OTOF: variants seen among roughly 807,000 people sequenced by gnomAD.
OTOF encodes the protein fer-1-like family member 2.
OTOF carries 218 observed loss-of-function variants against 236.8 expected under a neutral mutation model. The observed-to-expected ratio is 0.92, with a 90% CI of 0.82 to 1.03. The LOEUF is 1.03. OTOF is among the 50% of genes least tolerant of loss of function. The probability of loss-of-function intolerance (pLI) is 0.00; values close to 1 mark genes in which losing one functional copy is unlikely to be tolerated. For synonymous variants in OTOF, 1,041 were observed against 1,072.5 expected, an observed-to-expected ratio of 0.97 and a Z score of 0.57; for missense variants, 2,590 against 2,694.4, an observed-to-expected ratio of 0.96 and a Z score of 0.86.
At chr2:26,510,643 G>C in intron 5 of OTOF, 1 of 1,108,674 alleles carries the variant, frequency 9.0e-7, no homozygotes, top group South Asian at 1.3e-5. Context: ...CACAGCCTGT[G>C]GGGAGGAGGC....
At position 26,516,572 on chromosome 2, in the gene OTOF, G is replaced by C; in HGVS notation, c.355C>G (p.Gln119Glu). 1 of 1,609,066 alleles carries C rather than the reference G, an allele frequency of 6.2e-7. No homozygotes were observed. The highest frequency in any genetic ancestry group is 8.5e-7 in the Non-Finnish European group (1 of 1,179,984). Residue 119 changes from glutamine (Q) to glutamate (E), a missense_variant, in exon 5 of 47, where the codon CAG becomes GAG. Gln to Glu is a conservative substitution (Grantham distance 29). Transcript: ENST00000272371. ...KTSLCVEVRY[Q>E]ATDGTVGSWD... ...GAGCCCACTGTGCCGTCAGTGGCCT[G>C]ATACCGGACCTCCACGCACAGGCTG... is the stretch of plus-strand genomic sequence containing the variant.
intron 30 of OTOF, 104 bp from the exon 31 acceptor site, chr2:26,471,254 C>G: frequency 7.4e-7 from 1 of 1,355,960 alleles, no homozygotes; most frequent in Non-Finnish European, 1.1e-6. Context: ...ATGGAAATTA[C>G]TGTGTGCTGG....
chr2:26,534,879 G>A (rs937770377), intron 2 of OTOF, among the ~76,000 whole-genome samples: 3 of 152,190 alleles, frequency 2.0e-5, no homozygotes, highest in Non-Finnish European at 4.4e-5. Context: ...AGGTTCAGGG[G>A]GATTTGAAAG....
At chr2:26,483,253 C>A (rs543667550) in intron 13 of OTOF, among the ~76,000 whole-genome samples, 30 of 152,190 alleles carry the variant, frequency 2.0e-4, no homozygotes, top group Non-Finnish European at 3.5e-4. Flanking sequence ...TCTTCCCACA[C>A]CCCCAGCCTC....
Position 26,473,724 on chromosome 2 carries a change from G to T in OTOF, c.3409-157C>A, listed in dbSNP as rs1665112760. Among the ~76,000 whole-genome samples the T allele has an allele frequency of 1.3e-5, 2 of 152,146 alleles. No individual in the cohort carries two copies. Among genetic ancestry groups the T allele is most frequent in the South Asian group, 4.1e-4 (2 of 4,836 alleles). ...GTGGGAGCAGGGCCAGGAGAGCAGAGGAGGGGCAGGCGTTCTCCAGGGATG... is the reference window on the plus strand; with the variant it reads ...GTGGGAGCAGGGCCAGGAGAGCAGATGAGGGGCAGGCGTTCTCCAGGGATG... On this transcript the variant is annotated intron_variant, in intron 27 of 46. Transcript: ENST00000272371. The surrounding 1 kb of genome is among the most constrained non-coding windows in gnomAD (Gnocchi z 7.2).
chr2:26,548,328 A>G (rs939389717), intron 1 of OTOF, among the ~76,000 whole-genome samples: 2 of 152,076 alleles, frequency 1.3e-5, no homozygotes, highest in African/African-American at 4.8e-5. Context: ...ATTTATTGAA[A>G]TATAATTCAC....
chr2:26,472,405 C>G (rs1665030874), intron 30 of OTOF, 114 bp downstream of exon 30: 1 of 1,349,028 alleles, frequency 7.4e-7, no homozygotes, highest in Non-Finnish European at 1.1e-6. Flanking sequence ...CAGTCACATG[C>G]CAAAGGAGGC....
At chr2:26,514,931 C>G (rs1015493970) in intron 5 of OTOF, among the ~76,000 whole-genome samples, 3 of 152,202 alleles carry the variant, frequency 2.0e-5, no homozygotes, top group Non-Finnish European at 4.4e-5. Flanking sequence ...CAGGTGGTGC[C>G]CACTGAGTCA....
At chr2:26,511,697 C>T (rs1476189738) in intron 5 of OTOF, among the ~76,000 whole-genome samples, 1 of 152,218 alleles carries the variant, frequency 6.6e-6, no homozygotes, top group African/African-American at 2.4e-5. Context: ...TCAGCTGAGA[C>T]TACTAAGCGG....
At chr2:26,465,531 C>T in intron 38 of OTOF, 141 bp downstream of exon 38, 1 of 850,556 alleles carries the variant, frequency 1.2e-6, no homozygotes, top group Non-Finnish European at 1.9e-6. Flanking sequence ...AGACTGTGCC[C>T]AGGGACTGTA....
chr2:26,523,095 C>T (rs72815218), intron 3 of OTOF, among the ~76,000 whole-genome samples: 2 of 152,232 alleles, frequency 1.3e-5, no homozygotes, highest in African/African-American at 4.8e-5. Flanking sequence ...GTGTCCTGGG[C>T]CCTGCGAGGC....
At chr2:26,466,151 G>C in intron 36 of OTOF, 75 bp from the exon 37 acceptor site, 1 of 1,589,078 alleles carries the variant, frequency 6.3e-7, no homozygotes, top group Non-Finnish European at 8.6e-7. Context: ...CAGGCTGCCT[G>C]AGGGTCCTAT....
In OTOF at chr2:26,470,819, TGGGCTCCATGAGGCTCTGTG is replaced by T; in HGVS notation, c.3895-118_3895-99del. The T allele has an allele frequency of 6.4e-7, 1 of 1,553,140 alleles. No homozygotes were observed. Among genetic ancestry groups the T allele is most frequent in the Non-Finnish European group, 8.7e-7 (1 of 1,154,158 alleles). ...TCCGCCATCTGTCAGCAGGAAGCCT[TGGGCTCCATGAGGCTCTGTG>T]GGGCCACCCATGTCCAAGGGGCAGG... is the stretch of plus-strand genomic sequence containing the variant. On this transcript the variant is annotated intron_variant, in intron 31 of 46. Coordinates refer to ENST00000272371, the MANE Select transcript of OTOF (RefSeq NM_194248.3). The surrounding 1 kb of genome is among the most constrained non-coding windows in gnomAD (Gnocchi z 4.3).
chr2:26,557,491 G>T (rs1340776935), intron 1 of OTOF, among the ~76,000 whole-genome samples: 1 of 152,136 alleles, frequency 6.6e-6, no homozygotes, highest in East Asian at 1.9e-4. Context: ...CTGTCCCCGG[G>T]GTCAGGTCCA....
At chr2:26,502,192 G>T in intron 7 of OTOF, 108 bp downstream of exon 7, 1 of 1,194,096 alleles carries the variant, frequency 8.4e-7, no homozygotes, top group Non-Finnish European at 1.2e-6. Context: ...TTAGGAAGAA[G>T]CCGTCCATGA....
At chr2:26,464,207 C>T (rs1300619513) in intron 39 of OTOF, 101 bp from the exon 40 acceptor site, 3 of 1,396,930 alleles carry the variant, frequency 2.1e-6, no homozygotes, top group South Asian at 1.2e-5. Flanking sequence ...TCTATGCCAT[C>T]ACCTGTCTAC....
At chr2:26,540,711 A>G (rs1209841420) in intron 1 of OTOF, among the ~76,000 whole-genome samples, 1 of 151,352 alleles carries the variant, frequency 6.6e-6, no homozygotes, top group Non-Finnish European at 1.5e-5. Flanking sequence ...TGCAGTCTGA[A>G]AGGGTGTGTG....
intron 16 of OTOF, 40 bp from the exon 17 acceptor site, chr2:26,479,693 C>G (rs1487894111): frequency 6.9e-6 from 11 of 1,589,070 alleles, no homozygotes; most frequent in East Asian, 2.2e-5. Context: ...AGTGCATTCC[C>G]CACCAGGCCC....
chr2:26,467,094 C>G lies in OTOF; in HGVS notation c.4362+5G>C, dbSNP rs1159509864. On this transcript the variant is annotated splice_donor_5th_base_variant and intron_variant, in intron 35 of 46. Coordinates refer to ENST00000272371, the MANE Select transcript of OTOF (RefSeq NM_194248.3). Reference sequence around the variant, plus strand: ...CTCAGGCTGGGCCCGTGCTCCTGGCCTGACCTTGAAGCGTCCCACAATGCG... The same window carrying G: ...CTCAGGCTGGGCCCGTGCTCCTGGCGTGACCTTGAAGCGTCCCACAATGCG... 6.2e-7 allele frequency: 1 copy of G among 1,612,860 alleles called. No homozygotes were observed. Among genetic ancestry groups the G allele is most frequent in the Non-Finnish European group, 8.5e-7 (1 of 1,179,942 alleles).
Sources: allele counts gnomAD v4.1 joint callset (sites outside exome capture counted in the v4.1 genomes callset), GRCh38; gene constraint gnomAD v4.1.1; non-coding constraint Gnocchi (gnomAD v3.1); transcripts MANE v1.5; gene names NCBI Gene and HGNC (gene_info 2026-07-23, HGNC 2026-07-21).